Variants in RSPO2 observed in about 807,000 individuals in gnomAD.
RSPO2 encodes R-spondin-2.
RSPO2 carries 14 observed loss-of-function variants against 30.9 expected under a neutral mutation model. The observed-to-expected ratio is 0.45, with a 90% CI of 0.30 to 0.71. RSPO2 has a LOEUF of 0.71. RSPO2 is among the 30% of genes least tolerant of loss of function. The pLI is 0.08. For missense variants in RSPO2, 264 were observed against 301.9 expected (o/e 0.87, Z 0.93); for synonymous variants, 107 against 96.4 (o/e 1.11, Z -0.64).
chr8:107,908,983 C>T (rs1811737627), intron 5 of RSPO2, among the ~76,000 whole-genome samples: 1 of 152,156 alleles, frequency 6.6e-6, no homozygotes, highest in Admixed American at 6.6e-5. Context: ...ATAGATTTGA[C>T]ATCAAGGGTG....
At chr8:108,036,026 A>T (rs1390734919) in intron 2 of RSPO2, among the ~76,000 whole-genome samples, 1 of 148,086 alleles carries the variant, frequency 6.8e-6, no homozygotes, top group African/African-American at 2.7e-5. Flanking sequence ...AGTATTAGAC[A>T]GCAACTTTTC....
intron 2 of RSPO2, among the ~76,000 whole-genome samples, chr8:108,045,145 A>G (rs960192880): frequency 6.6e-5 from 10 of 152,194 alleles, no homozygotes; most frequent in African/African-American, 1.9e-4. Context: ...CACACAGCCT[A>G]CAGAATGGGA....
At position 107,921,277 on chromosome 8, in the gene RSPO2, T is replaced by TACACACACAC. The variant is rs71308759; in HGVS notation, c.617-20097_617-20088dup. Among the ~76,000 whole-genome samples, 513 of 148,846 alleles carry TACACACACAC rather than the reference T, an allele frequency of 3.4e-3. 4 individuals carry two copies. Among genetic ancestry groups the TACACACACAC allele is most frequent in the African/African-American group, 0.012 (497 of 40,324 alleles). On this transcript the variant is annotated intron_variant, in intron 5 of 5. Coordinates refer to ENST00000276659, the MANE Select transcript of RSPO2 (RefSeq NM_178565.5). Reference sequence around the variant, plus strand: ...GAAAATCGTTTTGATTAGCAGATTTTACACACACACACACACACACACACA... The same window carrying TACACACACAC: ...GAAAATCGTTTTGATTAGCAGATTTTACACACACACACACACACACACACACACACACACA...
At chr8:108,050,976 C>T (rs946416410) in intron 2 of RSPO2, among the ~76,000 whole-genome samples, 1 of 152,124 alleles carries the variant, frequency 6.6e-6, no homozygotes, top group East Asian at 1.9e-4. Flanking sequence ...GCTACAGCAA[C>T]ATGCCACAAA....
chr8:108,058,792 T>C (rs545110175), intron 2 of RSPO2, among the ~76,000 whole-genome samples: 54 of 151,884 alleles, frequency 3.6e-4, no homozygotes, highest in African/African-American at 8.0e-4. Flanking sequence ...ACTGGCTAGC[T>C]ATATGTAGAA....
At chr8:107,903,305 T>C (rs75106217) in intron 5 of RSPO2, among the ~76,000 whole-genome samples, 8,417 of 152,124 alleles carry the variant, frequency 0.055, 375 homozygotes, top group African/African-American at 0.12. Flanking sequence ...TAATACTGAA[T>C]ATATGTTAAA....
At chr8:107,907,282 A>T (rs1266415641) in intron 5 of RSPO2, among the ~76,000 whole-genome samples, 1 of 152,016 alleles carries the variant, frequency 6.6e-6, no homozygotes, top group Non-Finnish European at 1.5e-5. Context: ...TTTCAGTAAC[A>T]ATCATTTGGT....
intron 2 of RSPO2, among the ~76,000 whole-genome samples, chr8:108,007,795 T>C (rs1195498460): frequency 6.6e-6 from 1 of 151,992 alleles, no homozygotes; most frequent in Non-Finnish European, 1.5e-5. Context: ...ACCTCAGAGC[T>C]AATCAAGCTG....
chr8:108,047,984 G>T (rs987559243), intron 2 of RSPO2, among the ~76,000 whole-genome samples: 2 of 151,930 alleles, frequency 1.3e-5, no homozygotes, highest in African/African-American at 4.8e-5. Context: ...AACAAATTAT[G>T]TTAAATAATC....
chr8:107,986,750 C>T (rs956315883), intron 3 of RSPO2, among the ~76,000 whole-genome samples: 1 of 152,182 alleles, frequency 6.6e-6, no homozygotes, highest in Non-Finnish European at 1.5e-5. Flanking sequence ...TCCATCTACA[C>T]TCTTGCCTTG....
At chr8:108,081,072 T>C (rs1420756065) in intron 2 of RSPO2, among the ~76,000 whole-genome samples, 1 of 152,198 alleles carries the variant, frequency 6.6e-6, no homozygotes, top group Non-Finnish European at 1.5e-5. Context: ...TAAAATAATT[T>C]CTGAAAATAA....
intron 2 of RSPO2, among the ~76,000 whole-genome samples, chr8:108,011,062 G>A (rs537821079): frequency 6.7e-6 from 1 of 149,528 alleles, no homozygotes; most frequent in Non-Finnish European, 1.5e-5. Context: ...GAGCCCAGGA[G>A]GCAGAGGTTG....
intron 2 of RSPO2, among the ~76,000 whole-genome samples, chr8:108,029,053 T>C (rs891941553): frequency 1.3e-4 from 13 of 97,864 alleles, no homozygotes; most frequent in African/African-American, 5.2e-4. Context: ...TTAACATGAG[T>C]CTTTTTTTTT....
intron 2 of RSPO2, among the ~76,000 whole-genome samples, chr8:108,042,010 T>C (rs1248111026): frequency 6.6e-6 from 1 of 152,122 alleles, no homozygotes; most frequent in Non-Finnish European, 1.5e-5. Context: ...CAAGGACCTG[T>C]AGTTACAACA....
chr8:108,031,862 A>C (rs1007162567), intron 2 of RSPO2, among the ~76,000 whole-genome samples: 1 of 151,846 alleles, frequency 6.6e-6, no homozygotes. Flanking sequence ...GGAAAAAAAA[A>C]AGAAAAGGAA....
At chr8:108,063,678 A>G (rs1206450347) in intron 2 of RSPO2, among the ~76,000 whole-genome samples, 1 of 151,884 alleles carries the variant, frequency 6.6e-6, no homozygotes, top group Admixed American at 6.6e-5. Context: ...TGGAAAAACT[A>G]CTTTAAAGTT....
At chr8:107,949,700 T>C (rs1375242250) in intron 5 of RSPO2, among the ~76,000 whole-genome samples, 3 of 152,164 alleles carry the variant, frequency 2.0e-5, no homozygotes, top group African/African-American at 4.8e-5. Context: ...TATGGAATAA[T>C]AGAAACTGGA....
intron 2 of RSPO2, among the ~76,000 whole-genome samples, chr8:108,067,569 A>G (rs891920778): frequency 1.3e-5 from 2 of 152,208 alleles, no homozygotes; most frequent in Non-Finnish European, 2.9e-5. Flanking sequence ...CAAAAATTTC[A>G]CAATAGCTTT....
intron 5 of RSPO2, among the ~76,000 whole-genome samples, chr8:107,904,955 G>A (rs1043321001): frequency 6.6e-5 from 10 of 152,044 alleles, no homozygotes; most frequent in Non-Finnish European, 1.5e-4. Flanking sequence ...CAACTCTTCT[G>A]CAGAGAAATA....
Sources: gnomAD v4.1 joint callset for allele counts (sites outside exome capture counted in the v4.1 genomes callset) on GRCh38, gnomAD v4.1.1 for gene constraint, MANE v1.5 for transcripts, NCBI Gene and HGNC (gene_info 2026-07-23, HGNC 2026-07-21) for gene names.